PHIP: variants seen among roughly 807,000 people sequenced by gnomAD.
PHIP encodes PH-interacting protein.
A neutral mutation model predicts 236.8 loss-of-function variants in PHIP; 54 were observed. That is an observed-to-expected ratio of 0.23 (90% CI 0.18 to 0.29). PHIP has a LOEUF of 0.29. PHIP is among the 10% of genes least tolerant of loss of function. The probability of loss-of-function intolerance (pLI) is 1.00; values close to 1 mark genes in which losing one functional copy is unlikely to be tolerated. For synonymous variants in PHIP, 756 were observed against 718.9 expected, an observed-to-expected ratio of 1.05 and a Z score of -0.83; for missense variants, 1,370 against 2,190.8, an observed-to-expected ratio of 0.63 and a Z score of 7.48.
chr6:79,060,882 G>T, intron 4 of PHIP, 64 bp from the exon 5 acceptor site: 1 of 1,132,556 alleles, frequency 8.8e-7, no homozygotes, highest in Non-Finnish European at 1.2e-6. Context: ...AAATCTTTGA[G>T]CAACAATAAA....
intron 7 of PHIP, among the ~76,000 whole-genome samples, chr6:79,035,386 T>C (rs933249789): frequency 1.3e-5 from 2 of 152,148 alleles, no homozygotes; most frequent in Non-Finnish European, 2.9e-5. Context: ...AGCAGAAAAC[T>C]GTACACATTG....
rs1454885689 is a variant in PHIP at position 78,970,258 on chromosome 6, T to C, written c.2998-85A>G. On this transcript the variant is annotated intron_variant, in intron 25 of 39. Coordinates refer to ENST00000275034, the MANE Select transcript of PHIP (RefSeq NM_017934.7). ...CTAAACATTGTTGAGAAAAAACTTC[T>C]TGGTTTAAATCTTGATCTGGATGGT... 6 of 1,186,994 alleles carry C rather than the reference T, an allele frequency of 5.1e-6. No individual in the cohort carries two copies. In the Admixed American group the frequency reaches 1.2e-4, roughly 24 times the overall value. 73.5% of individuals were successfully genotyped at this position (1,186,994 alleles called of 1,614,324 possible). A position where few individuals can be genotyped will look rare whatever the true frequency, so the allele number is the denominator to read the frequency against.
chr6:78,945,270 G>A (rs778673906), intron 39 of PHIP, 30 bp downstream of exon 39: 4 of 1,436,468 alleles, frequency 2.8e-6, no homozygotes, highest in Admixed American at 3.4e-5. Flanking sequence ...AGGATCTACT[G>A]TATCTTGAAA....
chr6:79,023,537 T>G (rs1771238321), intron 9 of PHIP, among the ~76,000 whole-genome samples: 3 of 152,160 alleles, frequency 2.0e-5, no homozygotes, highest in Non-Finnish European at 4.4e-5. Flanking sequence ...AAAAAATTAC[T>G]AAGTTGTATA....
chr6:78,940,238 A>G lies in PHIP; in HGVS notation c.*455T>C, dbSNP rs796223927. The stretch of plus-strand genomic sequence containing the variant: ...TTCACTGCTACTCTGTATAACATCT[A>G]TCTTTTAGGGGCATGACTTGTATCA... On this transcript the variant is annotated 3_prime_UTR_variant, in exon 40 of 40. Coordinates refer to ENST00000275034, the MANE Select transcript of PHIP (RefSeq NM_017934.7). 11 of 152,054 alleles carry G rather than the reference A, an allele frequency of 7.2e-5. No homozygotes were observed. Among genetic ancestry groups the G allele is most frequent in the African/African-American group, 2.6e-4 (11 of 41,538 alleles). The allele number at this position is 152,054 out of a possible 1,614,324, so 9.4% of individuals were successfully genotyped here.
chr6:78,970,739 A>G, intron 25 of PHIP, 42 bp downstream of exon 25: 1 of 1,269,470 alleles, frequency 7.9e-7, no homozygotes, highest in Non-Finnish European at 1.1e-6. Context: ...AAATTCCATA[A>G]TTGTATTTTT....
chr6:78,935,622 A>G lies in PHIP; in HGVS notation c.*5071T>C. ...AAATGTACACATAAAAAGGCATATAAGTTTTTGACCTTCAGTTGTTTTGGA... is the reference window on the plus strand; with the variant it reads ...AAATGTACACATAAAAAGGCATATAGGTTTTTGACCTTCAGTTGTTTTGGA... On this transcript the variant is annotated 3_prime_UTR_variant, in exon 40 of 40. Transcript: ENST00000275034. 1.0e-6 allele frequency: 1 copy of G among 981,900 alleles called. No homozygotes were observed. Among genetic ancestry groups the G allele is most frequent in the Non-Finnish European group, 1.2e-6 (1 of 826,668 alleles). 60.8% of individuals were successfully genotyped at this position (981,900 alleles called of 1,614,324 possible).
chr6:79,077,532 G>A, intron 3 of PHIP, 25 bp from the exon 4 acceptor site: 13 of 1,472,686 alleles, frequency 8.8e-6, no homozygotes, highest in Non-Finnish European at 1.2e-5. Flanking sequence ...CACCCCGTGA[G>A]CCCGGCCCCC....
chr6:79,070,277 TGAAAA>T (rs2127779541), intron 4 of PHIP, among the ~76,000 whole-genome samples: 1 of 152,352 alleles, frequency 6.6e-6, no homozygotes, highest in South Asian at 2.1e-4. Context: ...AGGAATCTGA[TGAAAA>T]GTTACTGTGT....
Position 79,015,179 on chromosome 6 carries a change from G to A in PHIP, c.1427C>T (p.Pro476Leu). The A allele has an allele frequency of 1.2e-6, 2 of 1,610,358 alleles. No homozygotes were observed. The highest frequency in any genetic ancestry group is 8.5e-7 in the Non-Finnish European group (1 of 1,177,102). ...EDEVFVLEPHPFDPRVLFSAG... is the reference protein window; with the variant it reads ...EDEVFVLEPHLFDPRVLFSAG... ...AGAAAAGAGAACTCTAGGATCGAACGGGTGTGGTTCAAGAACAAATACCTC... is the reference window on the plus strand; with the variant it reads ...AGAAAAGAGAACTCTAGGATCGAACAGGTGTGGTTCAAGAACAAATACCTC... Residue 476 changes from proline to leucine, a missense_variant, in exon 15 of 40, where the codon CCG (proline) becomes CTG (leucine). Physicochemically the swap from Pro to Leu is moderately conservative, Grantham distance 98. This residue lies in a region of PHIP where 188 missense variants were observed against 354.3 expected (regional missense o/e 0.53). Coordinates refer to ENST00000275034, the MANE Select transcript of PHIP (RefSeq NM_017934.7).
chr6:78,992,991 T>G (rs367810428), intron 19 of PHIP, among the ~76,000 whole-genome samples: 12 of 152,316 alleles, frequency 7.9e-5, no homozygotes, highest in African/African-American at 2.9e-4. Context: ...GGAAAAGCTC[T>G]TGAAGGAAGT....
At position 78,954,366 on chromosome 6, in the gene PHIP, A is replaced by G. The variant is rs145461854; in HGVS notation, c.4053+448T>C. On this transcript the variant is annotated intron_variant, in intron 35 of 39. Transcript: ENST00000275034. ...CGTGATCTGCCTGCCTCGGCCTCCC[A>G]AAGTGCTGGGATTACTGGCATGAGC... Among the ~76,000 whole-genome samples the G allele has an allele frequency of 3.0e-3, 457 of 152,184 alleles. 3 individuals carry two copies. Among genetic ancestry groups the G allele is most frequent in the African/African-American group, 9.0e-3 (375 of 41,510 alleles).
At position 79,003,064 on chromosome 6, in the gene PHIP, A is replaced by G. The variant is rs1198093957; in HGVS notation, c.1653+666T>C. Among the ~76,000 whole-genome samples the G allele has an allele frequency of 2.0e-5, 3 of 152,148 alleles. No individual in the cohort carries two copies. In the East Asian group the frequency reaches 5.8e-4, roughly 29 times the overall value. ...CTTTTATACCATTCCACCACAAGTA[A>G]GCAATTTAATTCTTTTAGTCACTAA... On this transcript the variant is annotated intron_variant, in intron 16 of 39. Coordinates refer to ENST00000275034, the MANE Select transcript of PHIP (RefSeq NM_017934.7).
chr6:78,984,458 A>G lies in PHIP; in HGVS notation c.2537+894T>C, dbSNP rs777918446. Among the ~76,000 whole-genome samples the G allele has an allele frequency of 3.9e-5, 6 of 152,228 alleles. No individual in the cohort carries two copies. In the Middle Eastern group the frequency reaches 0.01, roughly 259 times the overall value. ...CAGAAGATCTTCTGCTGTCAGCATA[A>G]ACATAATTACAAACTCCAGAGTCCA... is the stretch of plus-strand genomic sequence containing the variant. On this transcript the variant is annotated intron_variant, in intron 22 of 39. Transcript: ENST00000275034.
rs116658053 is a variant in PHIP at position 79,076,761 on chromosome 6, C to T, written c.189+687G>A. ...GGCATACCATAAGAATTAAAAAAAG[C>T]CTACTAAACTTCTGGTTTTAGGGAA... is the stretch of plus-strand genomic sequence containing the variant. On this transcript the variant is annotated intron_variant, in intron 4 of 39. Transcript: ENST00000275034. Among the ~76,000 whole-genome samples, 891 of 152,122 alleles carry T rather than the reference C, an allele frequency of 5.9e-3. 3 individuals carry two copies. The highest frequency in any genetic ancestry group is 0.02 in the African/African-American group (821 of 41,496).
chr6:79,058,811 C>A (rs1773204715), intron 6 of PHIP, among the ~76,000 whole-genome samples: 1 of 152,046 alleles, frequency 6.6e-6, no homozygotes, highest in African/African-American at 2.4e-5. Context: ...TGACAATGTA[C>A]TGAAAGAACA....
At chr6:78,964,831 A>C (rs897640704) in intron 29 of PHIP, among the ~76,000 whole-genome samples, 1 of 152,250 alleles carries the variant, frequency 6.6e-6, no homozygotes, top group Non-Finnish European at 1.5e-5. Flanking sequence ...ATATAGAATA[A>C]CGTAAAAGAA....
At chr6:79,049,307 C>T (rs1292942942) in intron 6 of PHIP, among the ~76,000 whole-genome samples, 1 of 152,102 alleles carries the variant, frequency 6.6e-6, no homozygotes, top group African/African-American at 2.4e-5. Context: ...AGTGATCTGC[C>T]TGCCTTAACT....
intron 36 of PHIP, 137 bp downstream of exon 36, chr6:78,947,486 C>CT: frequency 1.9e-6 from 1 of 539,434 alleles, no homozygotes; most frequent in Non-Finnish European, 3.3e-6. Context: ...GGTATAATTT[C>CT]TTTTTCCAGT....
Sources: gnomAD v4.1 joint callset for allele counts (sites outside exome capture counted in the v4.1 genomes callset) on GRCh38, gnomAD v4.1.1 for gene constraint, gnomAD v4.1.1 regional missense constraint, MANE v1.5 for transcripts, NCBI Gene and HGNC (gene_info 2026-07-23, HGNC 2026-07-21) for gene names.